ZIC1: variants seen among roughly 807,000 people sequenced by gnomAD.
ZIC1 encodes the protein zinc finger protein ZIC 1.
In ZIC1, 4 loss-of-function variants were observed where a neutral mutation model predicts 30.9. That is an observed-to-expected ratio of 0.13 (90% CI 0.06 to 0.30). The LOEUF is 0.30. ZIC1 is among the 10% of genes least tolerant of loss of function. The pLI, the probability that ZIC1 is intolerant of heterozygous loss-of-function variation, is 1.00. For synonymous variants in ZIC1, 305 were observed against 277.5 expected (o/e 1.10, Z -0.98); for missense variants, 441 against 639.3 (o/e 0.69, Z 3.34).
At chr3:147,412,271 A>G (rs1384463684) in intron 1 of ZIC1, among the ~76,000 whole-genome samples, 1 of 152,162 alleles carries the variant, frequency 6.6e-6, no homozygotes, top group Non-Finnish European at 1.5e-5. Flanking sequence ...TCCTCCTACT[A>G]TTAATTTTTT....
chr3:147,412,872 C>G (rs1225065083), intron 2 of ZIC1, among the ~76,000 whole-genome samples, 191 bp downstream of exon 2: 1 of 152,078 alleles, frequency 6.6e-6, no homozygotes, highest in East Asian at 1.9e-4. Flanking sequence ...TGTCCAAGGC[C>G]GTTTTAAATT....
rs748330729 is a variant in ZIC1, at chr3:147,410,068, G to C, written c.-45G>C. Reference sequence around the variant, plus strand: ...CGATTTTCCCTCCTCGGCTGGCGAGGGTGGGGGGGGCGGGGGAGGCCGGGG... The same window carrying C: ...CGATTTTCCCTCCTCGGCTGGCGAGCGTGGGGGGGGCGGGGGAGGCCGGGG... On this transcript the variant is annotated 5_prime_UTR_variant, in exon 1 of 3. Transcript: ENST00000282928. 2.1e-6 allele frequency: 3 copies of C among 1,430,332 alleles called. No individual in the cohort carries two copies. The highest frequency in any genetic ancestry group is 2.7e-6 in the Non-Finnish European group (3 of 1,099,966). The allele number at this position is 1,430,332 out of a possible 1,614,324, so 88.6% of individuals were successfully genotyped here. A position where few individuals can be genotyped will look rare whatever the true frequency, so the allele number is the denominator to read the frequency against.
Position 147,410,809 on chromosome 3 carries a change from G to A in ZIC1, c.697G>A (p.Glu233Lys), listed in dbSNP as rs1047981123. Residue 233 changes from glutamate to lysine, a missense_variant, in exon 1 of 3, where the codon GAG (glutamate) becomes AAG (lysine). Around this residue, in one of 5 missense-constraint regions of ZIC1, gnomAD observed 307 missense variants for 355.3 expected, o/e 0.86. Transcript: ENST00000282928. ...QELICKWIEPEQLANPKKSCN... is the reference protein window; with the variant it reads ...QELICKWIEPKQLANPKKSCN... ...GCTCATCTGCAAGTGGATCGAGCCC[G>A]AGCAGCTGGCCAACCCCAAAAAGTC... 2.5e-6 allele frequency: 4 copies of A among 1,614,100 alleles called. No individual in the cohort carries two copies. Among genetic ancestry groups the A allele is most frequent in the African/African-American group, 2.7e-5 (2 of 74,944 alleles).
chr3:147,410,748 C>A lies in ZIC1; in HGVS notation c.636C>A (p.Ala212=), dbSNP rs540246499. ...TGGCCGCGCATCACGGCGCCGGCGCCTTCTTCCGCTACATGCGCCAACCCA... is the reference window on the plus strand; with the variant it reads ...TGGCCGCGCATCACGGCGCCGGCGCATTCTTCCGCTACATGCGCCAACCCA... ...VNMAAHHGAG[A]FFRYMRQPIK... The change falls in exon 1 of 3, where the codon GCC becomes GCA. Residue 212 remains alanine (A), a synonymous_variant. Coordinates refer to ENST00000282928, the MANE Select transcript of ZIC1 (RefSeq NM_003412.4). The A allele has an allele frequency of 6.2e-7, 1 of 1,614,212 alleles. No individual in the cohort carries two copies. The highest frequency in any genetic ancestry group is 1.1e-5 in the South Asian group (1 of 91,088).
In ZIC1 at chr3:147,410,376, C is replaced by G. The variant is rs983801346; in HGVS notation, c.264C>G (p.Ser88=). Residue 88 remains serine, a synonymous_variant, in exon 1 of 3, where the codon TCC becomes TCG. Transcript: ENST00000282928. ...ACCATCACCCGGGCCACGTCGGCTC[C>G]TATTCCAGCGCAGCCTTCAACTCCA... ...GHHHHPGHVG[S]YSSAAFNSTR... The G allele has an allele frequency of 1.5e-5, 24 of 1,601,844 alleles. No individual in the cohort carries two copies. Among genetic ancestry groups the G allele is most frequent in the Non-Finnish European group, 1.7e-5 (20 of 1,179,644 alleles).
intron 1 of ZIC1, 104 bp downstream of exon 1, chr3:147,411,198 G>C: frequency 6.8e-7 from 1 of 1,475,164 alleles, no homozygotes; most frequent in East Asian, 2.3e-5. Flanking sequence ...GTGGGATCCC[G>C]GGCGTCAGGT....
rs867337558 is a variant in ZIC1 at position 147,409,999 on chromosome 3, C to T, written c.-114C>T. 116 of 1,200,646 alleles carry T rather than the reference C, an allele frequency of 9.7e-5. No individual in the cohort carries two copies. In the African/African-American group the frequency reaches 1.6e-3, roughly 16 times the overall value. 74.4% of individuals were successfully genotyped at this position (1,200,646 alleles called of 1,614,324 possible). A position where few individuals can be genotyped will look rare whatever the true frequency, so the allele number is the denominator to read the frequency against. ...GGGTCGACTCCCCCTCCCTCCTCCT[C>T]TTCTTCCTCCTCTTCCTCCTCCTCT... is the stretch of plus-strand genomic sequence containing the variant. On this transcript the variant is annotated 5_prime_UTR_variant, in exon 1 of 3. Coordinates refer to ENST00000282928, the MANE Select transcript of ZIC1 (RefSeq NM_003412.4).
chr3:147,412,455 T>A, intron 1 of ZIC1, 63 bp from the exon 2 acceptor site: 1 of 1,591,142 alleles, frequency 6.3e-7, no homozygotes, highest in Non-Finnish European at 8.5e-7. Flanking sequence ...TTTGTTTAGT[T>A]TTTGAAAAAC....
rs200602434 is a variant in ZIC1 at position 147,410,217 on chromosome 3, G to T, written c.105G>T (p.Leu35=). The T allele has an allele frequency of 6.6e-5, 105 of 1,601,754 alleles. No individual in the cohort carries two copies. Among genetic ancestry groups the T allele is most frequent in the Non-Finnish European group, 8.8e-5 (104 of 1,179,644 alleles). ...ACGTGGCCGAACGAGACGTGGGCCT[G>T]GGCATCAACCCGTTCGCCGACGGCA... ...AGDVAERDVG[L]GINPFADGMG... is the part of the protein sequence containing the mutation. The change falls in exon 1 of 3, where the codon CTG becomes CTT. Residue 35 remains leucine, a synonymous_variant. Transcript: ENST00000282928.
At position 147,412,533 on chromosome 3, in the gene ZIC1, A is replaced by T. The variant is rs2087390172; in HGVS notation, c.998A>T (p.Lys333Met). The change falls in exon 2 of 3, where the codon AAG becomes ATG. Residue 333 changes from lysine (K) to methionine (M), a missense_variant. Physicochemically the swap from Lys to Met is moderately conservative, Grantham distance 95 (BLOSUM62 -1). This residue lies in a region of ZIC1 where 14 missense variants were observed against 99.8 expected (regional missense o/e 0.14). Transcript: ENST00000282928. ...KRTHTGEKPF[K>M]CEFEGCDRRF... ...TTGGCACCAGGGGAGAAGCCCTTCA[A>T]GTGCGAGTTTGAGGGCTGTGACCGG... The T allele has an allele frequency of 6.2e-7, 1 of 1,614,016 alleles. No homozygotes were observed. Among genetic ancestry groups the T allele is most frequent in the Non-Finnish European group, 8.5e-7 (1 of 1,180,026 alleles).
chr3:147,412,818 C>CCTT, intron 2 of ZIC1, 137 bp downstream of exon 2: 6 of 1,124,590 alleles, frequency 5.3e-6, no homozygotes, highest in Non-Finnish European at 7.6e-6. Flanking sequence ...CTCAGTGGAA[C>CCTT]TGGGCAGAGA....
At position 147,416,235 on chromosome 3, in the gene ZIC1, AG is replaced by A. The variant is rs1389028875; in HGVS notation, c.*2685del. The A allele has an allele frequency of 6.6e-6, 1 of 152,262 alleles. No individual in the cohort carries two copies. The highest frequency in any genetic ancestry group is 1.5e-5 in the Non-Finnish European group (1 of 68,040). 9.4% of individuals were successfully genotyped at this position (152,262 alleles called of 1,614,324 possible). A position where few individuals can be genotyped will look rare whatever the true frequency, so the allele number is the denominator to read the frequency against. ...TAAAGACATCTCTTCTCTCTAGAAA[AG>A]ATAACACCACAATTAATAATCCTTC... On this transcript the variant is annotated 3_prime_UTR_variant, in exon 3 of 3. Transcript: ENST00000282928.
chr3:147,412,320 G>T (rs2087388299), intron 1 of ZIC1, among the ~76,000 whole-genome samples, 198 bp from the exon 2 acceptor site: 1 of 152,140 alleles, frequency 6.6e-6, no homozygotes, highest in South Asian at 2.1e-4. Flanking sequence ...TTGTATTAGG[G>T]ATTACAATAG....
rs1216498073 is a variant in ZIC1 at position 147,413,719 on chromosome 3, C to T, written c.*168C>T. On this transcript the variant is annotated 3_prime_UTR_variant, in exon 3 of 3. Coordinates refer to ENST00000282928, the MANE Select transcript of ZIC1 (RefSeq NM_003412.4). ...CCAGGACGAGTAAGAGAGGAAGCAT[C>T]AACCTTTTAAAAATTTCCTTTCGCT... 9 of 707,130 alleles carry T rather than the reference C, an allele frequency of 1.3e-5. No individual in the cohort carries two copies. The highest frequency in any genetic ancestry group is 1.9e-5 in the African/African-American group (1 of 53,904). 43.8% of individuals were successfully genotyped at this position (707,130 alleles called of 1,614,324 possible).
At chr3:147,412,475 A>T (rs368060788) in intron 1 of ZIC1, 43 bp from the exon 2 acceptor site, 1 of 1,595,918 alleles carries the variant, frequency 6.3e-7, no homozygotes, top group African/African-American at 1.4e-5. Flanking sequence ...CGGCCGCGGT[A>T]TTTTTTTCTA....
rs1216395688 is a variant in ZIC1 at position 147,410,214 on chromosome 3, C to T, written c.102C>T (p.Gly34=). The change falls in exon 1 of 3, where the codon GGC becomes GGT. Residue 34 remains glycine, a synonymous_variant. Transcript: ENST00000282928. ...GCGACGTGGCCGAACGAGACGTGGGCCTGGGCATCAACCCGTTCGCCGACG... is the reference window on the plus strand; with the variant it reads ...GCGACGTGGCCGAACGAGACGTGGGTCTGGGCATCAACCCGTTCGCCGACG... ...SAGDVAERDV[G]LGINPFADGM... 6.2e-7 allele frequency: 1 copy of T among 1,601,730 alleles called. No individual in the cohort carries two copies. The highest frequency in any genetic ancestry group is 1.7e-5 in the Admixed American group (1 of 60,002).
chr3:147,415,600 G>C lies in ZIC1; in HGVS notation c.*2049G>C, dbSNP rs1026123764. The C allele has an allele frequency of 6.6e-6, 1 of 152,628 alleles. No homozygotes were observed. Among genetic ancestry groups the C allele is most frequent in the Non-Finnish European group, 1.5e-5 (1 of 68,072 alleles). The allele number at this position is 152,628 out of a possible 1,614,324, so 9.5% of individuals were successfully genotyped here. On this transcript the variant is annotated 3_prime_UTR_variant, in exon 3 of 3. Transcript: ENST00000282928. Reference sequence around the variant, plus strand: ...GCTAGTGTGTGGAGGTGCAGAGCAGGTGGCAGAAACTGACCTCACTGGGCA... The same window carrying C: ...GCTAGTGTGTGGAGGTGCAGAGCAGCTGGCAGAAACTGACCTCACTGGGCA...
rs1270996869 is a variant in ZIC1, at chr3:147,413,780, C to T, written c.*229C>T. ...TTCTTTTTTTGGCAAAGGCTTGGTA[C>T]CCAAGGTGCGGTAGGGGGTCGAGGG... On this transcript the variant is annotated 3_prime_UTR_variant, in exon 3 of 3. Transcript: ENST00000282928. 1 of 476,480 alleles carries T rather than the reference C, an allele frequency of 2.1e-6. No individual in the cohort carries two copies. Among genetic ancestry groups the T allele is most frequent in the Admixed American group, 4.4e-5 (1 of 22,810 alleles). 29.5% of individuals were successfully genotyped at this position (476,480 alleles called of 1,614,324 possible). A position where few individuals can be genotyped will look rare whatever the true frequency, so the allele number is the denominator to read the frequency against.
chr3:147,410,427 G>A lies in ZIC1; in HGVS notation c.315G>A (p.Arg105=). 2 of 1,603,708 alleles carry A rather than the reference G, an allele frequency of 1.2e-6. No individual in the cohort carries two copies. Among genetic ancestry groups the A allele is most frequent in the Non-Finnish European group, 1.7e-6 (2 of 1,179,670 alleles). The stretch of plus-strand genomic sequence containing the variant: ...CGCGGGACTTTCTGTTCCGCAACCG[G>A]GGTTTTGGCGACGCGGCGGCGGCAG... ...NSTRDFLFRN[R]GFGDAAAAAS... The change falls in exon 1 of 3, where the codon CGG becomes CGA. Residue 105 remains arginine, a synonymous_variant. Coordinates refer to ENST00000282928, the MANE Select transcript of ZIC1 (RefSeq NM_003412.4).
Sources: allele counts gnomAD v4.1 joint callset (sites outside exome capture counted in the v4.1 genomes callset), GRCh38; gene constraint gnomAD v4.1.1; regional missense constraint gnomAD v4.1.1; transcripts MANE v1.5; gene names NCBI Gene and HGNC (gene_info 2026-07-23, HGNC 2026-07-21).